TRAF3IP3: variants seen among roughly 807,000 people sequenced by gnomAD.
TRAF3IP3 encodes the protein TRAF3-interacting JNK-activating modulator.
In TRAF3IP3, 64 loss-of-function variants were observed where a neutral mutation model predicts 86.5. That is an observed-to-expected ratio of 0.74 (90% CI 0.60 to 0.91). The LOEUF is 0.91. Among genes scored for constraint, TRAF3IP3 ranks in the 40% least tolerant of loss-of-function variants. TRAF3IP3 has a pLI of 0.00. For synonymous variants in TRAF3IP3, 220 were observed against 243.9 expected (o/e 0.90, Z 0.91); for missense variants, 579 against 642.9 (o/e 0.90, Z 1.07).
intron 8 of TRAF3IP3, among the ~76,000 whole-genome samples, chr1:209,764,651 G>A (rs1358686618): frequency 2.0e-5 from 3 of 151,468 alleles, no homozygotes; most frequent in Non-Finnish European, 4.4e-5. Flanking sequence ...GGCTGAGGCA[G>A]GAGAATCGCT....
intron 10 of TRAF3IP3, 34 bp from the exon 11 acceptor site, chr1:209,775,565 T>C: frequency 6.2e-7 from 1 of 1,614,060 alleles, no homozygotes; most frequent in Non-Finnish European, 8.5e-7. Flanking sequence ...GCTGCACAAC[T>C]CCCTGGAGCC....
Position 209,759,989 on chromosome 1 carries a change from C to T in TRAF3IP3, c.-51C>T, listed in dbSNP as rs768693295. On this transcript the variant is annotated 5_prime_UTR_variant, in exon 3 of 17. Coordinates refer to ENST00000367025, the MANE Select transcript of TRAF3IP3 (RefSeq NM_025228.4). ...CCTCTTGGCATTTGGCAGATCCAGG[C>T]ATCTATTCCAGGAACTGGAAGCCAA... The T allele has an allele frequency of 2.7e-6, 4 of 1,474,580 alleles. No individual in the cohort carries two copies. The highest frequency in any genetic ancestry group is 2.3e-5 in the East Asian group (1 of 43,804). The allele number at this position is 1,474,580 out of a possible 1,614,324, so 91.3% of individuals were successfully genotyped here.
rs1365668567 is a variant in TRAF3IP3, at chr1:209,780,579, T to G, written c.1422T>G (p.Thr474=). Residue 474 remains threonine (T), a synonymous_variant, in exon 15 of 17, where the codon ACT becomes ACG. Transcript: ENST00000367025. ...TCAGAGACCAGCTGCAAAAGAAGAC[T>G]TTGCAGCTCCAGGCCAAGGAAAAGG... The part of the protein sequence containing the change: ...WDLRDQLQKK[T]LQLQAKEKEC... The G allele has an allele frequency of 6.3e-7, 1 of 1,594,968 alleles. No homozygotes were observed. The highest frequency in any genetic ancestry group is 1.7e-5 in the Admixed American group (1 of 58,408).
At position 209,780,678 on chromosome 1, in the gene TRAF3IP3, G is replaced by T. The variant is rs185637458; in HGVS notation, c.1449+72G>T. ...GAGAAACCTGGGAGGCAGTCAAAAA[G>T]CAGGGATTTCAAAGTTTAAGTTGTG... On this transcript the variant is annotated intron_variant, in intron 15 of 16. Transcript: ENST00000367025. The T allele has an allele frequency of 3.3e-3, 4,622 of 1,381,964 alleles. 43 individuals carry two copies. Among genetic ancestry groups the T allele is most frequent in the Middle Eastern group, 0.022 (102 of 4,628 alleles). 85.6% of individuals were successfully genotyped at this position (1,381,964 alleles called of 1,614,324 possible). A position where few individuals can be genotyped will look rare whatever the true frequency, so the allele number is the denominator to read the frequency against.
At chr1:209,768,915 A>G (rs1336919781) in intron 8 of TRAF3IP3, among the ~76,000 whole-genome samples, 3 of 152,226 alleles carry the variant, frequency 2.0e-5, no homozygotes, top group Non-Finnish European at 4.4e-5. Flanking sequence ...AGCTGTGGAA[A>G]GAGGTTTCAT....
intron 9 of TRAF3IP3, among the ~76,000 whole-genome samples, chr1:209,774,399 G>A (rs1185643974): frequency 2.0e-5 from 3 of 152,110 alleles, no homozygotes; most frequent in Admixed American, 2.0e-4. Context: ...AATAATAGAG[G>A]CATGCAGGGG....
chr1:209,778,486 G>A (rs1435016150), intron 13 of TRAF3IP3: 1 of 316,204 alleles, frequency 3.2e-6, no homozygotes, highest in Non-Finnish European at 5.7e-6. Context: ...TCTAATTTAT[G>A]TACATGAATG....
chr1:209,779,758 GAGTCTA>G, intron 14 of TRAF3IP3: 1 of 528,706 alleles, frequency 1.9e-6, no homozygotes, highest in Non-Finnish European at 3.4e-6. Context: ...TAGCCCTAGA[GAGTCTA>G]CTGTCCATGT....
intron 8 of TRAF3IP3, among the ~76,000 whole-genome samples, chr1:209,771,453 GCA>G (rs2077519583): frequency 2.0e-5 from 3 of 146,878 alleles, no homozygotes; most frequent in Admixed American, 6.8e-5. Context: ...AGGTGTGTGT[GCA>G]TGTGAAGGTG....
At chr1:209,774,316 A>G (rs2077608049) in intron 9 of TRAF3IP3, among the ~76,000 whole-genome samples, 1 of 152,198 alleles carries the variant, frequency 6.6e-6, no homozygotes, top group African/African-American at 2.4e-5. Flanking sequence ...TTTTTTTTAA[A>G]GCAGCAGCAG....
chr1:209,770,840 AGT>A (rs370117399), intron 8 of TRAF3IP3, among the ~76,000 whole-genome samples: 17,157 of 99,202 alleles, frequency 0.17, 2,174 homozygotes, highest in Non-Finnish European at 0.19. Context: ...TCTATATAGA[AGT>A]GTGTGTGTGC....
At chr1:209,779,629 A>C (rs1001866391) in intron 14 of TRAF3IP3, 45 of 608,146 alleles carry the variant, frequency 7.4e-5, no homozygotes, top group Non-Finnish European at 1.2e-4. Context: ...TGTGTTGAAC[A>C]TTTCAATAAA....
Position 209,777,627 on chromosome 1 carries a change from C to T in TRAF3IP3, c.1189+140C>T, listed in dbSNP as rs148196634. On this transcript the variant is annotated intron_variant, in intron 12 of 16. Coordinates refer to ENST00000367025, the MANE Select transcript of TRAF3IP3 (RefSeq NM_025228.4). ...TGATTGGCTTTATAATCTCATTTTACCTTGAGGGAGAGGCAGGACTGTTTT... is the reference window on the plus strand; with the variant it reads ...TGATTGGCTTTATAATCTCATTTTATCTTGAGGGAGAGGCAGGACTGTTTT... The T allele has an allele frequency of 2.6e-3, 2,346 of 890,802 alleles. 103 individuals carry two copies. The Admixed American group carries it at 0.065, about 25-fold the overall frequency. The allele number at this position is 890,802 out of a possible 1,614,324, so 55.2% of individuals were successfully genotyped here. A position where few individuals can be genotyped will look rare whatever the true frequency, so the allele number is the denominator to read the frequency against.
chr1:209,764,190 G>C (rs866118984), intron 8 of TRAF3IP3, among the ~76,000 whole-genome samples: 1 of 152,170 alleles, frequency 6.6e-6, no homozygotes, highest in South Asian at 2.1e-4. Context: ...TCTATACAGA[G>C]CACTGGACTA....
Position 209,763,578 on chromosome 1 carries a change from C to G in TRAF3IP3, c.693C>G (p.Ser231Arg). Residue 231 changes from serine to arginine, a missense_variant, in exon 8 of 17, where the codon AGC (serine) becomes AGG (arginine). By Grantham distance (110) the Ser-to-Arg change is moderately radical (BLOSUM62 -1). Transcript: ENST00000367025. ...CCACTCTGATTCAGGCCTCTGACAG[C>G]TCTTGGAAGGTAAGGGAATGAAATT... ...LLSTLIQASD[S>R]SWKGQLNEDK... The G allele has an allele frequency of 1.9e-6, 3 of 1,613,204 alleles. No individual in the cohort carries two copies. Among genetic ancestry groups the G allele is most frequent in the Non-Finnish European group, 1.7e-6 (2 of 1,179,278 alleles).
intron 11 of TRAF3IP3, chr1:209,775,960 A>C: frequency 2.2e-6 from 1 of 450,080 alleles, no homozygotes; most frequent in East Asian, 3.6e-5. Context: ...CTAAGCGTTC[A>C]TTGGAATGAC....
chr1:209,772,456 C>T (rs987633372), intron 8 of TRAF3IP3, among the ~76,000 whole-genome samples: 1 of 152,148 alleles, frequency 6.6e-6, no homozygotes, highest in Non-Finnish European at 1.5e-5. Flanking sequence ...AGGACTTCAA[C>T]ATAGAAATGT....
At chr1:209,762,728 A>AGGACAAGGATAT (rs2077268217) in intron 4 of TRAF3IP3, 66 bp downstream of exon 4, 2 of 1,560,396 alleles carry the variant, frequency 1.3e-6, no homozygotes, top group East Asian at 2.3e-5. Context: ...GTCCCAGCTC[A>AGGACAAGGATAT]CTGGCAATGG....
chr1:209,762,437 C>A, intron 3 of TRAF3IP3, 78 bp from the exon 4 acceptor site: 1 of 1,377,362 alleles, frequency 7.3e-7, no homozygotes, highest in South Asian at 2.1e-5. Context: ...ATGGTTAGTT[C>A]TTCCTTCCGA....
Sources: allele counts gnomAD v4.1 joint callset (sites outside exome capture counted in the v4.1 genomes callset), GRCh38; gene constraint gnomAD v4.1.1; transcripts MANE v1.5; gene names NCBI Gene and HGNC (gene_info 2026-07-23, HGNC 2026-07-21).